Variants in RYR2 observed in about 807,000 individuals in gnomAD.
RYR2 encodes cardiac muscle ryanodine receptor-calcium release channel.
In RYR2, 227 loss-of-function variants were observed where a neutral mutation model predicts 601.1. That is an observed-to-expected ratio of 0.38 (90% CI 0.34 to 0.42). The LOEUF is 0.42. RYR2 is among the 10% of genes least tolerant of loss of function. The pLI, the probability that RYR2 is intolerant of heterozygous loss-of-function variation, is 1.00. For missense variants in RYR2, 4,646 were observed against 6,156.5 expected, an observed-to-expected ratio of 0.75 and a Z score of 8.21; for synonymous variants, 2,223 against 2,175.1, an observed-to-expected ratio of 1.02 and a Z score of -0.61.
chr1:237,160,547 G>T (rs1486679747), intron 1 of RYR2, among the ~76,000 whole-genome samples: 2 of 151,964 alleles, frequency 1.3e-5, no homozygotes, highest in African/African-American at 4.8e-5. Flanking sequence ...TTTGGTGGTG[G>T]TGGTTGTTTT....
chr1:237,276,964 A>T lies in RYR2; in HGVS notation c.168+6348A>T, dbSNP rs987097671. Among the ~76,000 whole-genome samples the T allele has an allele frequency of 3.9e-5, 6 of 152,234 alleles. No homozygotes were observed. The East Asian group carries it at 5.8e-4, about 15-fold the overall frequency. ...ATTTAAATTTCAAAATTAAGAAAAA[A>T]TTTTTTGCAAAGGTAATTTATAGAT... On this transcript the variant is annotated intron_variant, in intron 2 of 104. Coordinates refer to ENST00000366574, the MANE Select transcript of RYR2 (RefSeq NM_001035.3).
chr1:237,806,017 C>T (rs1192369695), intron 98 of RYR2, 120 bp from the exon 99 acceptor site: 1 of 797,492 alleles, frequency 1.3e-6, no homozygotes, highest in Non-Finnish European at 2.0e-6. Flanking sequence ...TAAGATTCCA[C>T]ATGTGAGTGA....
chr1:237,418,804 A>G (rs1705267356), intron 11 of RYR2, among the ~76,000 whole-genome samples: 1 of 152,026 alleles, frequency 6.6e-6, no homozygotes, highest in South Asian at 2.1e-4. Context: ...TGTCATTAAT[A>G]ACTAATTGAA....
intron 27 of RYR2, among the ~76,000 whole-genome samples, chr1:237,560,881 G>A (rs535970386): frequency 2.6e-5 from 4 of 152,150 alleles, no homozygotes; most frequent in East Asian, 3.9e-4. Flanking sequence ...TGATGGTCCC[G>A]TTGAGGTTAG....
chr1:237,302,242 A>G (rs750158111), intron 2 of RYR2, among the ~76,000 whole-genome samples: 1 of 152,160 alleles, frequency 6.6e-6, no homozygotes. Context: ...AAACAAGCAA[A>G]CACTGAATTA....
intron 27 of RYR2, among the ~76,000 whole-genome samples, chr1:237,552,604 A>T (rs1670511321): frequency 6.6e-6 from 1 of 152,014 alleles, no homozygotes; most frequent in South Asian, 2.1e-4. Context: ...ATATAAATGT[A>T]ACCTATAAAT....
At position 237,655,848 on chromosome 1, in the gene RYR2, G is replaced by T; in HGVS notation, c.7993G>T (p.Ala2665Ser). ...KKYEQELFKL[A>S]LPCLSAVAGA... is the part of the protein sequence containing the mutation. ...ATATGAACAAGAACTTTTCAAACTG[G>T]CACTGCCTTGCCTGAGTGCAGTTGC... Residue 2665 changes from alanine to serine, a missense_variant, in exon 53 of 105, where the codon GCA (alanine) becomes TCA (serine). By Grantham distance (99) the Ala-to-Ser change is moderately conservative (BLOSUM62 1). Coordinates refer to ENST00000366574, the MANE Select transcript of RYR2 (RefSeq NM_001035.3). 1 of 1,603,452 alleles carries T rather than the reference G, an allele frequency of 6.2e-7. No individual in the cohort carries two copies. The highest frequency in any genetic ancestry group is 8.5e-7 in the Non-Finnish European group (1 of 1,175,080).
At chr1:237,404,222 T>C (rs916250063) in intron 10 of RYR2, among the ~76,000 whole-genome samples, 2 of 152,180 alleles carry the variant, frequency 1.3e-5, no homozygotes, top group Admixed American at 6.5e-5. Context: ...ACACTGCTAC[T>C]GCACTCCAGC....
intron 25 of RYR2, among the ~76,000 whole-genome samples, chr1:237,531,096 G>A (rs1485839833): frequency 2.6e-5 from 4 of 152,006 alleles, no homozygotes; most frequent in African/African-American, 9.7e-5. Flanking sequence ...GTTAACAGAG[G>A]TATCCATATT....
intron 29 of RYR2, 122 bp from the exon 30 acceptor site, chr1:237,589,671 T>C: frequency 1.2e-6 from 1 of 822,678 alleles, no homozygotes; most frequent in Non-Finnish European, 1.9e-6. Flanking sequence ...ATTACACTAC[T>C]TTTTTCACCC....
In RYR2 at chr1:237,774,564, A is replaced by C. The variant is rs923135404; in HGVS notation, c.11775+916A>C. Among the ~76,000 whole-genome samples, 4 of 152,130 alleles carry C rather than the reference A, an allele frequency of 2.6e-5. No individual in the cohort carries two copies. In the South Asian group the frequency reaches 6.2e-4, roughly 24 times the overall value. ...ATTTTTTGCCTTGGTGGGGAAGAGGAACCTTATTTCAGCATTTCCAGATGG... is the reference window on the plus strand; with the variant it reads ...ATTTTTTGCCTTGGTGGGGAAGAGGCACCTTATTTCAGCATTTCCAGATGG... On this transcript the variant is annotated intron_variant, in intron 87 of 104. Coordinates refer to ENST00000366574, the MANE Select transcript of RYR2 (RefSeq NM_001035.3).
In RYR2 at chr1:237,821,736, G is replaced by A. The variant is rs528249300; in HGVS notation, c.14590+2544G>A. Among the ~76,000 whole-genome samples the A allele has an allele frequency of 2.0e-5, 3 of 152,004 alleles. No homozygotes were observed. The East Asian group carries it at 5.9e-4, about 30-fold the overall frequency. On this transcript the variant is annotated intron_variant, in intron 101 of 104. Transcript: ENST00000366574. Reference sequence around the variant, plus strand: ...TAATAACAAACTCCTCTGAGCTAAAGGAGCATGTTCTAACCCATTGCAAGG... The same window carrying A: ...TAATAACAAACTCCTCTGAGCTAAAAGAGCATGTTCTAACCCATTGCAAGG...
At chr1:237,283,495 A>C (rs932537605) in intron 2 of RYR2, among the ~76,000 whole-genome samples, 1 of 152,210 alleles carries the variant, frequency 6.6e-6, no homozygotes, top group African/African-American at 2.4e-5. Context: ...TCTCAGGTAC[A>C]TAATACAGTT....
rs993626907 is a variant in RYR2 at position 237,460,022 on chromosome 1, G to A, written c.1612+3287G>A. 4.6e-5 allele frequency among the ~76,000 whole-genome samples: 7 copies of A among 152,092 alleles called. No homozygotes were observed. The South Asian group carries it at 6.2e-4, about 14-fold the overall frequency. On this transcript the variant is annotated intron_variant, in intron 16 of 104. Coordinates refer to ENST00000366574, the MANE Select transcript of RYR2 (RefSeq NM_001035.3). ...GGGGATTTTGGGGCTTGCACAGCTC[G>A]CCGTCTACCAGTGGGTTTGACACAA...
At chr1:237,048,525 C>T (rs1660868280) in intron 1 of RYR2, among the ~76,000 whole-genome samples, 1 of 152,094 alleles carries the variant, frequency 6.6e-6, no homozygotes, top group African/African-American at 2.4e-5. Context: ...AGCTCACATC[C>T]TTGCATATCC....
intron 1 of RYR2, among the ~76,000 whole-genome samples, chr1:237,125,843 T>A (rs1475027859): frequency 1.3e-5 from 2 of 152,234 alleles, no homozygotes; most frequent in African/African-American, 4.8e-5. Flanking sequence ...TTCTGTAATG[T>A]ACAAAACTGA....
chr1:237,760,632 G>C (rs2819763), intron 83 of RYR2, among the ~76,000 whole-genome samples: 99,068 of 151,806 alleles, frequency 0.65, 32,825 homozygotes, highest in East Asian at 0.96. Flanking sequence ...TTTAATGTAA[G>C]AAGCTATTCC....
rs142769212 is a variant in RYR2 at position 237,086,065 on chromosome 1, A to G, written c.48+43496A>G. 2.6e-5 allele frequency among the ~76,000 whole-genome samples: 4 copies of G among 152,348 alleles called. No individual in the cohort carries two copies. The East Asian group carries it at 7.7e-4, about 29-fold the overall frequency. The stretch of plus-strand genomic sequence containing the variant: ...CCACTGCACCCAGCCTGCTTCTGAC[A>G]TTTTAGCCTAAGGCATGCTCTGTTA... On this transcript the variant is annotated intron_variant, in intron 1 of 104. Coordinates refer to ENST00000366574, the MANE Select transcript of RYR2 (RefSeq NM_001035.3).
At chr1:237,208,966 A>ATATG (rs1682183336) in intron 1 of RYR2, among the ~76,000 whole-genome samples, 2 of 105,908 alleles carry the variant, frequency 1.9e-5, no homozygotes, top group Admixed American at 1.0e-4. Context: ...ATATATATAT[A>ATATG]TATATATATA....
Sources: gnomAD v4.1 joint callset for allele counts (sites outside exome capture counted in the v4.1 genomes callset) on GRCh38, gnomAD v4.1.1 for gene constraint, MANE v1.5 for transcripts, NCBI Gene and HGNC (gene_info 2026-07-23, HGNC 2026-07-21) for gene names.